Variants in SLC35E1 observed in about 807,000 individuals in gnomAD.
The protein encoded by SLC35E1 is solute carrier family 35, member E1.
In SLC35E1, 12 loss-of-function variants were observed where a neutral mutation model predicts 31.0. The observed-to-expected ratio is 0.39, with a 90% CI of 0.25 to 0.63. The LOEUF is 0.63. SLC35E1 is among the 20% of genes least tolerant of loss of function. SLC35E1 has a pLI of 0.52. For missense variants in SLC35E1, 429 were observed against 572.2 expected (o/e 0.75, Z 2.55); for synonymous variants, 257 against 264.1 (o/e 0.97, Z 0.26).
chr19:16,558,901 C>G (rs2085890319), intron 4 of SLC35E1, among the ~76,000 whole-genome samples: 1 of 151,432 alleles, frequency 6.6e-6, no homozygotes, highest in Non-Finnish European at 1.5e-5. Flanking sequence ...TTCTGAGTAG[C>G]TGGGATTACA....
rs1290235500 is a variant in SLC35E1 at position 16,551,825 on chromosome 19, G to C, written c.*1854C>G. 6.8e-6 allele frequency: 1 copy of C among 147,610 alleles called. No individual in the cohort carries two copies. The highest frequency in any genetic ancestry group is 2.5e-5 in the African/African-American group (1 of 39,646). The allele number at this position is 147,610 out of a possible 1,614,324, so 9.1% of individuals were successfully genotyped here. On this transcript the variant is annotated 3_prime_UTR_variant, in exon 6 of 6. Coordinates refer to ENST00000595753, the MANE Select transcript of SLC35E1 (RefSeq NM_024881.5). ...GCTGGAGTGCAGTGGTGTGATCTCAGCTCGCTGAAACCTCCACCTCCTGGG... is the reference window on the plus strand; with the variant it reads ...GCTGGAGTGCAGTGGTGTGATCTCACCTCGCTGAAACCTCCACCTCCTGGG...
chr19:16,571,664 G>A (rs2085959348), intron 1 of SLC35E1, 82 bp from the exon 2 acceptor site: 9 of 1,468,466 alleles, frequency 6.1e-6, no homozygotes, highest in Non-Finnish European at 8.5e-6. Flanking sequence ...GGGATGGGAG[G>A]GCCTGGCAGC....
At chr19:16,563,476 AG>A (rs1436939254) in intron 4 of SLC35E1, among the ~76,000 whole-genome samples, 2 of 152,136 alleles carry the variant, frequency 1.3e-5, no homozygotes, top group Non-Finnish European at 2.9e-5. Flanking sequence ...ATGGTCAGGG[AG>A]GGGACAGGGA....
chr19:16,568,855 C>T (rs1016972690), intron 2 of SLC35E1, among the ~76,000 whole-genome samples: 1 of 151,832 alleles, frequency 6.6e-6, no homozygotes, highest in African/African-American at 2.4e-5. Flanking sequence ...ACTTCAGGCT[C>T]TTCCAGTATG....
rs1345860099 is a variant in SLC35E1 at position 16,555,179 on chromosome 19, G to A, written c.975C>T (p.Ala325=). Residue 325 remains alanine, a synonymous_variant, in exon 5 of 6, where the codon GCC becomes GCT. Transcript: ENST00000595753. The surrounding 1 kb of genome is among the most constrained non-coding windows in gnomAD (Gnocchi z 4.1). The part of the protein sequence containing the change: ...TSTNVLGMMT[A]ILGVFLYNKT... ...TGTTATAGAGGAAGACCCCCAGGAT[G>A]GCGGTCATCATGCCCAGGACGTTGG... The A allele has an allele frequency of 6.2e-7, 1 of 1,614,182 alleles. No individual in the cohort carries two copies. The highest frequency in any genetic ancestry group is 2.2e-5 in the East Asian group (1 of 44,884).
At chr19:16,562,035 C>T (rs2085909018) in intron 4 of SLC35E1, among the ~76,000 whole-genome samples, 1 of 151,672 alleles carries the variant, frequency 6.6e-6, no homozygotes, top group African/African-American at 2.4e-5. Context: ...AAAAAAAGAA[C>T]CAACCAAACA....
chr19:16,556,027 C>A (rs1055460491), intron 4 of SLC35E1, among the ~76,000 whole-genome samples: 1 of 152,008 alleles, frequency 6.6e-6, no homozygotes, highest in African/African-American at 2.4e-5. Flanking sequence ...ACCAGCCTGA[C>A]CAACATGGTA....
chr19:16,570,821 G>C (rs920327774), intron 2 of SLC35E1, among the ~76,000 whole-genome samples: 2 of 152,238 alleles, frequency 1.3e-5, no homozygotes, highest in African/African-American at 4.8e-5. Flanking sequence ...ACCTAGCCAA[G>C]TGCAGTGGCT....
Position 16,571,586 on chromosome 19 carries a change from CAA to C in SLC35E1, c.422-6_422-5del. The C allele has an allele frequency of 2.5e-6, 4 of 1,613,748 alleles. No individual in the cohort carries two copies. The highest frequency in any genetic ancestry group is 1.7e-6 in the Non-Finnish European group (2 of 1,179,922). On this transcript the variant is annotated splice_polypyrimidine_tract_variant and splice_region_variant and intron_variant, in intron 1 of 5. Transcript: ENST00000595753. ...CAGATGGGCATGGTGGCCTTGACTG[CAA>C]AGAGAGGGATGGGCACTCAGGGGGC... is the stretch of plus-strand genomic sequence containing the variant.
chr19:16,572,142 G>A lies in SLC35E1; in HGVS notation c.223C>T (p.Pro75Ser), dbSNP rs2085963099. Residue 75 changes from proline (P) to serine (S), a missense_variant, in exon 1 of 6, where the codon CCG becomes TCG. Pro to Ser is a moderately conservative substitution (Grantham distance 74, BLOSUM62 -1). Transcript: ENST00000595753. This position sits in a 1 kb window ranked among gnomAD's most constrained non-coding sequence, Gnocchi z 4.1. ...GGCACGCGCCAGGCGCGCAGCAGCG[G>A]CGGGAGCCCAGCGCACAGAGCCAGG... ...HILALCAGLP[P>S]LLRAWRVPPA... The A allele has an allele frequency of 1.3e-6, 2 of 1,510,920 alleles. No individual in the cohort carries two copies. The highest frequency in any genetic ancestry group is 2.5e-5 in the South Asian group (2 of 80,230). The allele number at this position is 1,510,920 out of a possible 1,614,324, so 93.6% of individuals were successfully genotyped here.
chr19:16,571,682 A>T (rs1599323906), intron 1 of SLC35E1, 100 bp from the exon 2 acceptor site: 1 of 1,288,724 alleles, frequency 7.8e-7, no homozygotes, highest in Non-Finnish European at 1.1e-6. Flanking sequence ...AGCCCCTCAC[A>T]CCTCTTCGCC....
In SLC35E1 at chr19:16,551,417, AAACAAACAAC is replaced by A. The variant is rs1406261030; in HGVS notation, c.*2252_*2261del. 2.0e-5 allele frequency: 3 copies of A among 152,296 alleles called. No homozygotes were observed. In the East Asian group the frequency reaches 5.8e-4, roughly 29 times the overall value. 9.4% of individuals were successfully genotyped at this position (152,296 alleles called of 1,614,324 possible). ...AAATACAGAATTCCAATTGAAAGAAAAACAAACAACAACAAAAGAAACACCAGTCAAGCAT... is the reference window on the plus strand; with the variant it reads ...AAATACAGAATTCCAATTGAAAGAAAAACAAAAGAAACACCAGTCAAGCAT... On this transcript the variant is annotated 3_prime_UTR_variant, in exon 6 of 6. Coordinates refer to ENST00000595753, the MANE Select transcript of SLC35E1 (RefSeq NM_024881.5).
At position 16,553,734 on chromosome 19, in the gene SLC35E1, TG is replaced by T; in HGVS notation, c.1177del (p.Gln393AsnfsTer13). The T allele has an allele frequency of 1.2e-6, 2 of 1,606,836 alleles. No individual in the cohort carries two copies. The highest frequency in any genetic ancestry group is 1.7e-6 in the Non-Finnish European group (2 of 1,175,108). On this transcript the variant is annotated frameshift_variant, in exon 6 of 6. Coordinates refer to ENST00000595753, the MANE Select transcript of SLC35E1 (RefSeq NM_024881.5). LOFTEE classifies it high-confidence loss of function. ...GRNNILTDHF[Q>X]YSRQSYPNSY... is the part of the protein sequence containing the mutation. ...GTTTGGGTAGCTCTGCCGGCTGTATTGGAAGTGGTCTGTTAAGATGTTGTTG... is the reference window on the plus strand; with the variant it reads ...GTTTGGGTAGCTCTGCCGGCTGTATTGAAGTGGTCTGTTAAGATGTTGTTG...
chr19:16,568,077 G>A lies in SLC35E1; in HGVS notation c.585C>T (p.Leu195=), dbSNP rs145867179. ...SFDMWGLVSA[L]AATLCFSLQN... The stretch of plus-strand genomic sequence containing the variant: ...GAAGCGAGAAGCACAGCGTGGCGGC[G>A]AGGGCGCTGACGAGTCCCCACATGT... Residue 195 remains leucine (L), a synonymous_variant, in exon 3 of 6, where the codon CTC becomes CTT. Coordinates refer to ENST00000595753, the MANE Select transcript of SLC35E1 (RefSeq NM_024881.5). 44 of 1,613,668 alleles carry A rather than the reference G, an allele frequency of 2.7e-5. No individual in the cohort carries two copies. In the African/African-American group the frequency reaches 4.1e-4, roughly 15 times the overall value.
At chr19:16,557,429 G>A (rs1481339129) in intron 4 of SLC35E1, among the ~76,000 whole-genome samples, 8 of 152,032 alleles carry the variant, frequency 5.3e-5, no homozygotes, top group Non-Finnish European at 8.8e-5. Context: ...TCCTGACCTC[G>A]TGATCCACCT....
chr19:16,571,740 T>C (rs2085959772), intron 1 of SLC35E1, among the ~76,000 whole-genome samples, 158 bp from the exon 2 acceptor site: 1 of 152,212 alleles, frequency 6.6e-6, no homozygotes, highest in Non-Finnish European at 1.5e-5. Context: ...TTGTGGTCTG[T>C]CCTGCTTACC....
At chr19:16,567,845 C>T (rs1185174668) in intron 3 of SLC35E1, among the ~76,000 whole-genome samples, 187 bp downstream of exon 3, 5 of 152,166 alleles carry the variant, frequency 3.3e-5, no homozygotes, top group Admixed American at 1.3e-4. Context: ...TGAGCCACTG[C>T]GCCCGGCCAG....
At chr19:16,556,200 G>A (rs1242211950) in intron 4 of SLC35E1, among the ~76,000 whole-genome samples, 1 of 151,648 alleles carries the variant, frequency 6.6e-6, no homozygotes, top group Non-Finnish European at 1.5e-5. Context: ...GCAACAGAGC[G>A]AGACTCTGTC....
At chr19:16,559,354 T>C (rs746669426) in intron 4 of SLC35E1, among the ~76,000 whole-genome samples, 32 of 151,794 alleles carry the variant, frequency 2.1e-4, no homozygotes, top group Admixed American at 6.6e-4. Flanking sequence ...GTTTGGTGGC[T>C]CATGTCTATA....
Sources: gnomAD v4.1 joint callset for allele counts (sites outside exome capture counted in the v4.1 genomes callset) on GRCh38, gnomAD v4.1.1 for gene constraint, Gnocchi (gnomAD v3.1) non-coding constraint, MANE v1.5 for transcripts, NCBI Gene and HGNC (gene_info 2026-07-23, HGNC 2026-07-21) for gene names.